The following NAV1 variants were observed in gnomAD, a reference collection of about 807,000 sequenced individuals.
NAV1 encodes pore membrane and/or filament interacting like protein 3.
NAV1 carries 18 observed loss-of-function variants against 175.2 expected under a neutral mutation model. The observed-to-expected ratio is 0.10, with a 90% CI of 0.07 to 0.15. The LOEUF (loss-of-function observed/expected upper bound fraction) is 0.15, where lower values mean the gene tolerates loss of function less well. Ranked by LOEUF, NAV1 falls within the 10% of genes least tolerant of loss-of-function variation. The pLI is 1.00. For synonymous variants in NAV1, 897 were observed against 978.7 expected, an observed-to-expected ratio of 0.92 and a Z score of 1.56; for missense variants, 1,731 against 2,436.6, an observed-to-expected ratio of 0.71 and a Z score of 6.10.
Position 201,782,841 on chromosome 1 carries a change from C to T in NAV1, c.2329C>T (p.Leu777=). 1 of 1,590,530 alleles carries T rather than the reference C, an allele frequency of 6.3e-7. No homozygotes were observed. Among genetic ancestry groups the T allele is most frequent in the Non-Finnish European group, 8.6e-7 (1 of 1,166,674 alleles). ...AGCAAGCCACCCCACAGCCACCAAGCTGGCAGAGCTGCCACCAACCCCTCT... is the reference window on the plus strand; with the variant it reads ...AGCAAGCCACCCCACAGCCACCAAGTTGGCAGAGCTGCCACCAACCCCTCT... Residue 777 remains leucine (L), a synonymous_variant, in exon 6 of 30, where the codon CTG becomes TTG. Transcript: ENST00000367296. This position sits in a 1 kb window ranked among gnomAD's most constrained non-coding sequence, Gnocchi z 5.4.
At chr1:201,793,830 T>C (rs1348198805) in exon 14 of NAV1, 2 of 1,579,912 alleles carry the variant, frequency 1.3e-6, no homozygotes, top group Admixed American at 3.4e-5. Context: ...GCCTGGTGAA[T>C]ATGACATCCC....
intron 1 of NAV1, among the ~76,000 whole-genome samples, chr1:201,658,405 G>A (rs1280171734): frequency 6.6e-6 from 1 of 152,188 alleles, no homozygotes; most frequent in African/African-American, 2.4e-5. Context: ...AGATGGTGGG[G>A]AGGGGACATG....
chr1:201,655,784 G>A (rs972110998), intron 1 of NAV1, among the ~76,000 whole-genome samples: 8 of 152,234 alleles, frequency 5.3e-5, no homozygotes, highest in African/African-American at 1.4e-4. Context: ...GCACAGCAGC[G>A]TGTGCCTGGG....
intron 1 of NAV1, among the ~76,000 whole-genome samples, chr1:201,578,958 C>T (rs1241169070): frequency 2.0e-5 from 3 of 151,964 alleles, no homozygotes; most frequent in African/African-American, 7.3e-5. Context: ...CATGGTGAAA[C>T]CCCATCTCTA....
chr1:201,628,014 C>T (rs958052981), intron 1 of NAV1, among the ~76,000 whole-genome samples: 1 of 151,868 alleles, frequency 6.6e-6, no homozygotes, highest in African/African-American at 2.4e-5. Flanking sequence ...TAGCTTGAGC[C>T]TGTAATCCCA....
intron 1 of NAV1, among the ~76,000 whole-genome samples, chr1:201,701,415 A>G (rs1425213832): frequency 7.7e-5 from 5 of 64,986 alleles, no homozygotes; most frequent in African/African-American, 1.9e-4. Context: ...AGTATAATAA[A>G]AAAAATAAAA....
At chr1:201,592,138 T>C (rs1425756054) in intron 2 of NAV1, among the ~76,000 whole-genome samples, 1 of 152,202 alleles carries the variant, frequency 6.6e-6, no homozygotes, top group Non-Finnish European at 1.5e-5. Context: ...CTGCCCCACC[T>C]GCATGGGAAG....
intron 1 of NAV1, among the ~76,000 whole-genome samples, chr1:201,690,130 TG>T (rs908857228): frequency 4.5e-5 from 6 of 134,180 alleles, no homozygotes; most frequent in African/African-American, 1.7e-4. Flanking sequence ...ATTTCCTCTC[TG>T]GCCTGTCCGT....
At chr1:201,639,634 G>C (rs1409247264) in intron 2 of NAV1, among the ~76,000 whole-genome samples, 1 of 152,156 alleles carries the variant, frequency 6.6e-6, no homozygotes, top group Non-Finnish European at 1.5e-5. Context: ...GGCTGAAGGA[G>C]GGGCCAGTTT....
chr1:201,675,954 C>T (rs903097830), intron 1 of NAV1, among the ~76,000 whole-genome samples: 1 of 152,196 alleles, frequency 6.6e-6, no homozygotes, highest in Admixed American at 6.5e-5. Flanking sequence ...CCATCCCAAG[C>T]CCCAGTTTCC....
intron 1 of NAV1, among the ~76,000 whole-genome samples, chr1:201,664,486 A>G (rs1459879456): frequency 6.6e-6 from 1 of 152,232 alleles, no homozygotes; most frequent in Admixed American, 6.5e-5. Context: ...ATGAAGATTA[A>G]ATGAGATAAT....
chr1:201,779,020 G>C (rs1410586104), intron 3 of NAV1, among the ~76,000 whole-genome samples: 1 of 152,200 alleles, frequency 6.6e-6, no homozygotes, highest in African/African-American at 2.4e-5. Flanking sequence ...CTCATGTATA[G>C]CAGTCTTACT....
chr1:201,788,279 C>A lies in NAV1; in HGVS notation c.2996-189C>A, dbSNP rs1676893661. Reference sequence around the variant, plus strand: ...TAGGGCTTGATCTCCCCAGGAGGGACCCCGCTCCTAACCACCAGCTGCTTG... The same window carrying A: ...TAGGGCTTGATCTCCCCAGGAGGGAACCCGCTCCTAACCACCAGCTGCTTG... On this transcript the variant is annotated intron_variant, in intron 9 of 29. Transcript: ENST00000367296. The surrounding 1 kb of genome is among the most constrained non-coding windows in gnomAD (Gnocchi z 5.7). Among the ~76,000 whole-genome samples, 1 of 152,138 alleles carries A rather than the reference C, an allele frequency of 6.6e-6. No homozygotes were observed. The highest frequency in any genetic ancestry group is 6.5e-5 in the Admixed American group (1 of 15,282).
intron 11 of NAV1, 74 bp from the exon 16 acceptor site, chr1:201,790,480 G>A (rs1481035138): frequency 1.3e-5 from 20 of 1,554,366 alleles, no homozygotes; most frequent in East Asian, 4.5e-5. Context: ...CTGCCACTGG[G>A]ACCTGACTTC....
At chr1:201,824,649 C>T (rs1352937215) in exon 30 of NAV1, 1 of 151,814 alleles carries the variant, frequency 6.6e-6, no homozygotes, top group African/African-American at 2.4e-5. Flanking sequence ...TATACTAGAT[C>T]CTTCCAGTTT....
At chr1:201,743,906 T>C (rs1033119303) in intron 3 of NAV1, among the ~76,000 whole-genome samples, 32 of 152,178 alleles carry the variant, frequency 2.1e-4, no homozygotes, top group African/African-American at 5.8e-4. Flanking sequence ...TTTTTGTTTT[T>C]TTGAGATGGA....
At position 201,782,922 on chromosome 1, in the gene NAV1, C is replaced by T. The variant is rs937776273; in HGVS notation, c.2357+53C>T. 6.8e-6 allele frequency: 10 copies of T among 1,461,914 alleles called. No individual in the cohort carries two copies. The highest frequency in any genetic ancestry group is 9.3e-6 in the Non-Finnish European group (10 of 1,080,176). 90.6% of individuals were successfully genotyped at this position (1,461,914 alleles called of 1,614,324 possible). A position where few individuals can be genotyped will look rare whatever the true frequency, so the allele number is the denominator to read the frequency against. On this transcript the variant is annotated intron_variant, in intron 6 of 29. Coordinates refer to ENST00000367296, the Ensembl canonical transcript of NAV1. This position sits in a 1 kb window ranked among gnomAD's most constrained non-coding sequence, Gnocchi z 5.4. ...GTCTGTTTGCTTTGTCATTCTTTCG[C>T]ATATCTCTGCCCTCCTTGGACTAGA...
chr1:201,756,864 CTTTCTTTCTTTCTTTCT>C (rs1674534966), intron 3 of NAV1, among the ~76,000 whole-genome samples: 7 of 108,052 alleles, frequency 6.5e-5, no homozygotes, highest in African/African-American at 1.4e-4. Context: ...TTCTTTCTTT[CTTTCTTTCTTTCTTTCT>C]TTCTCTGTCT....
intron 1 of NAV1, among the ~76,000 whole-genome samples, chr1:201,569,709 C>G (rs921427710): frequency 6.6e-6 from 1 of 152,210 alleles, no homozygotes; most frequent in African/African-American, 2.4e-5. Context: ...GATCATGGGA[C>G]TGCAGGAGCT....
Sources: allele counts gnomAD v4.1 joint callset (sites outside exome capture counted in the v4.1 genomes callset), GRCh38; gene constraint gnomAD v4.1.1; non-coding constraint Gnocchi (gnomAD v3.1); transcripts MANE v1.5; gene names NCBI Gene and HGNC (gene_info 2026-07-23, HGNC 2026-07-21).